Variants in CNIH1 observed in about 807,000 individuals in gnomAD.
CNIH1 encodes the protein protein cornichon homolog 1.
CNIH1 carries 12 observed loss-of-function variants against 20.2 expected under a neutral mutation model. The ratio of observed to expected loss-of-function variants is 0.59; its 90% CI spans 0.38 to 0.96. CNIH1 has a LOEUF of 0.96. Ranked by LOEUF, CNIH1 falls within the 40% of genes least tolerant of loss-of-function variation. CNIH1 has a pLI of 0.00. For synonymous variants in CNIH1, 69 were observed against 63.3 expected (o/e 1.09, Z -0.43); for missense variants, 152 against 178.8 (o/e 0.85, Z 0.85).
At chr14:54,431,888 TAA>T (rs1399242123) in intron 3 of CNIH1, among the ~76,000 whole-genome samples, 1 of 152,216 alleles carries the variant, frequency 6.6e-6, no homozygotes, top group African/African-American at 2.4e-5. Context: ...TGCACAACAC[TAA>T]GTTATACTTC....
In CNIH1 at chr14:54,425,740, T is replaced by C. The variant is rs2030815301; in HGVS notation, c.*2074A>G. The C allele has an allele frequency of 6.6e-6, 1 of 152,200 alleles. No individual in the cohort carries two copies. 9.4% of individuals were successfully genotyped at this position (152,200 alleles called of 1,614,324 possible). On this transcript the variant is annotated 3_prime_UTR_variant, in exon 5 of 5. Coordinates refer to ENST00000216416, the MANE Select transcript of CNIH1 (RefSeq NM_005776.3). ...AAAGATGGGTGAAACTCCCTGTCAA[T>C]CATCTTTGAGGAATCAGCTGAAGAC...
chr14:54,424,522 C>T lies in CNIH1; in HGVS notation c.*3292G>A, dbSNP rs946544885. 1.3e-5 allele frequency: 2 copies of T among 152,130 alleles called. No individual in the cohort carries two copies. Among genetic ancestry groups the T allele is most frequent in the African/African-American group, 2.4e-5 (1 of 41,422 alleles). 9.4% of individuals were successfully genotyped at this position (152,130 alleles called of 1,614,324 possible). ...ACCCCTACAGGGTATAAGTGATACACGGAAGTCATTATTTGCACTATGGCA... is the reference window on the plus strand; with the variant it reads ...ACCCCTACAGGGTATAAGTGATACATGGAAGTCATTATTTGCACTATGGCA... On this transcript the variant is annotated 3_prime_UTR_variant, in exon 5 of 5. Coordinates refer to ENST00000216416, the MANE Select transcript of CNIH1 (RefSeq NM_005776.3).
chr14:54,427,818 G>A lies in CNIH1; in HGVS notation c.431C>T (p.Ser144Phe). 6 of 1,613,514 alleles carry A rather than the reference G, an allele frequency of 3.7e-6. No individual in the cohort carries two copies. The highest frequency in any genetic ancestry group is 5.1e-6 in the Non-Finnish European group (6 of 1,179,868). ...LYGMIYVLVSS is the reference protein window; with the variant it reads ...LYGMIYVLVSF ...CCAATTCTTCTGTGTGTTGTTCTAA[G>A]AGCTCACCAAAACATAGATCATGCT... The change falls in exon 5 of 5, where the codon TCT (serine) becomes TTT (phenylalanine). Residue 144 changes from serine to phenylalanine, a missense_variant. Physicochemically the swap from Ser to Phe is radical, Grantham distance 155. Around this residue, in one of 3 missense-constraint regions of CNIH1, gnomAD observed 28 missense variants for 22.8 expected, o/e 1.23. Coordinates refer to ENST00000216416, the MANE Select transcript of CNIH1 (RefSeq NM_005776.3).
intron 1 of CNIH1, 150 bp downstream of exon 1, chr14:54,441,097 C>A: frequency 1.2e-6 from 1 of 821,976 alleles, no homozygotes. Flanking sequence ...ACCCGCGGCC[C>A]CCAGACCCCT....
intron 1 of CNIH1, among the ~76,000 whole-genome samples, chr14:54,438,758 C>T (rs942496942): frequency 6.6e-6 from 1 of 152,216 alleles, no homozygotes; most frequent in Admixed American, 6.5e-5. Context: ...TCCTCCAAAT[C>T]TCAGGTTGAA....
rs1305207169 is a variant in CNIH1 at position 54,425,819 on chromosome 14, T to C, written c.*1995A>G. The C allele has an allele frequency of 2.6e-5, 4 of 152,196 alleles. No homozygotes were observed. The highest frequency in any genetic ancestry group is 9.6e-5 in the African/African-American group (4 of 41,462). The allele number at this position is 152,196 out of a possible 1,614,324, so 9.4% of individuals were successfully genotyped here. ...AATGGCTTCCACAAATCCCAACCAG[T>C]AAACTTACTCCTGGAGAATATTCTG... On this transcript the variant is annotated 3_prime_UTR_variant, in exon 5 of 5. Coordinates refer to ENST00000216416, the MANE Select transcript of CNIH1 (RefSeq NM_005776.3).
chr14:54,428,151 A>G (rs531960133), intron 4 of CNIH1, among the ~76,000 whole-genome samples: 2 of 152,250 alleles, frequency 1.3e-5, no homozygotes, highest in African/African-American at 4.8e-5. Flanking sequence ...AGTTGTGTCT[A>G]ATAATAGAAT....
At chr14:54,433,155 C>T (rs2030983189) in intron 2 of CNIH1, among the ~76,000 whole-genome samples, 1 of 152,208 alleles carries the variant, frequency 6.6e-6, no homozygotes, top group Non-Finnish European at 1.5e-5. Flanking sequence ...CAAAACCTCT[C>T]ATTGCAAGTT....
At position 54,427,724 on chromosome 14, in the gene CNIH1, T is replaced by A. The variant is rs1327127745; in HGVS notation, c.*90A>T. 9.9e-6 allele frequency: 13 copies of A among 1,309,244 alleles called. No individual in the cohort carries two copies. In the East Asian group the frequency reaches 2.8e-4, roughly 28 times the overall value. The allele number at this position is 1,309,244 out of a possible 1,614,324, so 81.1% of individuals were successfully genotyped here. A position where few individuals can be genotyped will look rare whatever the true frequency, so the allele number is the denominator to read the frequency against. ...AAGTAACTGATCAGATTCCACAGGC[T>A]ACTCTTGGACAGGATCTTGCTGGAT... On this transcript the variant is annotated 3_prime_UTR_variant, in exon 5 of 5. Transcript: ENST00000216416.
intron 1 of CNIH1, among the ~76,000 whole-genome samples, chr14:54,439,005 G>C (rs1490325871): frequency 1.3e-5 from 2 of 152,154 alleles, no homozygotes; most frequent in African/African-American, 2.4e-5. Context: ...AGCAGGCTGA[G>C]ACTTTCACCA....
Position 54,430,295 on chromosome 14 carries a change from A to G in CNIH1, c.373T>C (p.Phe125Leu). The stretch of plus-strand genomic sequence containing the variant: ...TAGTAAAAAAATGCTAGAAGATAAA[A>G]AGCTAATTTGCACCATCCTTCCTTC... Reference protein sequence around the residue: ...CQKEGWCKLAFYLLAFFYYLY... With the variant: ...CQKEGWCKLALYLLAFFYYLY... The change falls in exon 4 of 5, where the codon TTT becomes CTT. Residue 125 changes from phenylalanine (F) to leucine (L), a missense_variant. Coordinates refer to ENST00000216416, the MANE Select transcript of CNIH1 (RefSeq NM_005776.3). The G allele has an allele frequency of 6.2e-7, 1 of 1,614,122 alleles. No individual in the cohort carries two copies. Among genetic ancestry groups the G allele is most frequent in the Non-Finnish European group, 8.5e-7 (1 of 1,179,970 alleles).
intron 1 of CNIH1, 85 bp from the exon 2 acceptor site, chr14:54,436,522 G>A (rs2031057153): frequency 2.7e-6 from 2 of 740,480 alleles, no homozygotes; most frequent in African/African-American, 1.8e-5. Context: ...AATTATTAAA[G>A]TTAATAAAAC....
At chr14:54,439,819 G>A (rs1444959876) in intron 1 of CNIH1, among the ~76,000 whole-genome samples, 1 of 151,930 alleles carries the variant, frequency 6.6e-6, no homozygotes, top group African/African-American at 2.4e-5. Context: ...CAAAGTGCTG[G>A]GATTACAGGA....
At chr14:54,430,455 G>T (rs559251574) in intron 3 of CNIH1, 51 bp from the exon 4 acceptor site, 1 of 1,540,068 alleles carries the variant, frequency 6.5e-7, no homozygotes, top group East Asian at 2.3e-5. Context: ...TAAATGTTCA[G>T]ATAAGAAAGC....
At chr14:54,428,508 TG>T (rs1370698950) in intron 4 of CNIH1, among the ~76,000 whole-genome samples, 1 of 152,226 alleles carries the variant, frequency 6.6e-6, no homozygotes, top group Admixed American at 6.5e-5. Context: ...ACAAAGGAGT[TG>T]AACAAGCTTG....
At chr14:54,432,255 C>A in intron 2 of CNIH1, 35 bp from the exon 3 acceptor site, 1 of 1,224,022 alleles carries the variant, frequency 8.2e-7, no homozygotes. Context: ...ATCAAAATGC[C>A]TCAGCATTAA....
chr14:54,425,746 T>C lies in CNIH1; in HGVS notation c.*2068A>G, dbSNP rs2030815519. 2 of 152,168 alleles carry C rather than the reference T, an allele frequency of 1.3e-5. No individual in the cohort carries two copies. The highest frequency in any genetic ancestry group is 2.9e-5 in the Non-Finnish European group (2 of 68,018). 9.4% of individuals were successfully genotyped at this position (152,168 alleles called of 1,614,324 possible). A position where few individuals can be genotyped will look rare whatever the true frequency, so the allele number is the denominator to read the frequency against. ...GGGTGAAACTCCCTGTCAATCATCT[T>C]TGAGGAATCAGCTGAAGACTACATA... On this transcript the variant is annotated 3_prime_UTR_variant, in exon 5 of 5. Coordinates refer to ENST00000216416, the MANE Select transcript of CNIH1 (RefSeq NM_005776.3).
At chr14:54,434,962 C>T (rs2031027433) in intron 2 of CNIH1, among the ~76,000 whole-genome samples, 1 of 152,212 alleles carries the variant, frequency 6.6e-6, no homozygotes, top group Non-Finnish European at 1.5e-5. Flanking sequence ...CTTCCACCAT[C>T]CACATTTATC....
intron 3 of CNIH1, among the ~76,000 whole-genome samples, chr14:54,431,875 T>C (rs2030953795): frequency 6.6e-6 from 1 of 152,202 alleles, no homozygotes; most frequent in Non-Finnish European, 1.5e-5. Context: ...TACTTCAGAC[T>C]TGTGCACAAC....
Sources: allele counts gnomAD v4.1 joint callset (sites outside exome capture counted in the v4.1 genomes callset), GRCh38; gene constraint gnomAD v4.1.1; regional missense constraint gnomAD v4.1.1; transcripts MANE v1.5; gene names NCBI Gene and HGNC (gene_info 2026-07-23, HGNC 2026-07-21).